AAR2: variants seen among roughly 807,000 people sequenced by gnomAD.
AAR2 encodes the protein AAR2 splicing factor.
AAR2 carries 31 observed loss-of-function variants against 26.9 expected under a neutral mutation model. The ratio of observed to expected loss-of-function variants is 1.15; its 90% CI spans 0.86 to 1.55. The LOEUF (loss-of-function observed/expected upper bound fraction) is 1.55, where lower values mean the gene tolerates loss of function less well. Among genes scored for constraint, AAR2 ranks in the 40% most tolerant of loss-of-function variants. AAR2 has a pLI of 0.00. For missense variants in AAR2, 430 were observed against 491.3 expected (o/e 0.88, Z 1.18); for synonymous variants, 188 against 196.1 (o/e 0.96, Z 0.34).
At chr20:36,255,188 C>T (rs938129746) in intron 3 of AAR2, among the ~76,000 whole-genome samples, 2 of 152,206 alleles carry the variant, frequency 1.3e-5, no homozygotes, top group Non-Finnish European at 2.9e-5. Context: ...GTCGTGTTGG[C>T]TTGGGGCCTG....
At chr20:36,247,390 C>G (rs142163290) in intron 3 of AAR2, among the ~76,000 whole-genome samples, 81 of 152,210 alleles carry the variant, frequency 5.3e-4, no homozygotes, top group African/African-American at 1.9e-3. Context: ...CTCTGTGGCT[C>G]CTCATTGCGT....
chr20:36,250,792 TGGTTGCATGGG>T (rs1461193525), intron 3 of AAR2, among the ~76,000 whole-genome samples: 1 of 152,112 alleles, frequency 6.6e-6, no homozygotes, highest in African/African-American at 2.4e-5. Context: ...TATCATATGG[TGGTTGCATGGG>T]GGTATATATA....
chr20:36,246,029 T>A (rs746914404), intron 3 of AAR2, among the ~76,000 whole-genome samples: 37 of 152,304 alleles, frequency 2.4e-4, no homozygotes, highest in Non-Finnish European at 4.9e-4. Flanking sequence ...TGTTCACTCA[T>A]TGAATCCCTT....
intron 3 of AAR2, among the ~76,000 whole-genome samples, chr20:36,245,230 G>A (rs1474836240): frequency 6.6e-6 from 1 of 152,078 alleles, no homozygotes; most frequent in Non-Finnish European, 1.5e-5. Context: ...CTTTCTCCCT[G>A]TAGCCATGAA....
At chr20:36,237,497 C>G (rs1234216860) in intron 1 of AAR2, among the ~76,000 whole-genome samples, 1 of 151,980 alleles carries the variant, frequency 6.6e-6, no homozygotes, top group Non-Finnish European at 1.5e-5. Flanking sequence ...CTGCAGAGTT[C>G]TATGCATATT....
chr20:36,255,193 G>C (rs527689609), intron 3 of AAR2, among the ~76,000 whole-genome samples: 1 of 152,312 alleles, frequency 6.6e-6, no homozygotes, highest in Admixed American at 6.5e-5. Context: ...GTTGGCTTGG[G>C]GCCTGGGACT....
intron 3 of AAR2, among the ~76,000 whole-genome samples, chr20:36,253,194 G>C (rs894623445): frequency 6.6e-6 from 1 of 152,136 alleles, no homozygotes; most frequent in Non-Finnish European, 1.5e-5. Flanking sequence ...GAAGCAGGTG[G>C]GAGGAATATT....
Position 36,244,898 on chromosome 20 carries a change from A to C in AAR2, c.959A>C (p.Gln320Pro), listed in dbSNP as rs2064719196. 4.3e-6 allele frequency: 7 copies of C among 1,614,138 alleles called. No individual in the cohort carries two copies. The African/African-American group carries it at 5.3e-5, about 12-fold the overall frequency. Residue 320 changes from glutamine to proline, a missense_variant, in exon 3 of 4, where the codon CAA (glutamine) becomes CCA (proline). Coordinates refer to ENST00000320849, the MANE Select transcript of AAR2 (RefSeq NM_001271874.2). ...GACTTCTTCGTAGACATTGTCTCCC[A>C]AGACAACTTCCTCACCAGCACCTTA... Reference protein sequence around the residue: ...PADFFVDIVSQDNFLTSTLQV... With the variant: ...PADFFVDIVSPDNFLTSTLQV...
chr20:36,240,507 G>T lies in AAR2; in HGVS notation c.639G>T (p.Thr213=). 6.2e-7 allele frequency: 1 copy of T among 1,614,066 alleles called. No homozygotes were observed. The part of the protein sequence containing the change: ...GTEIRFSELP[T]QMFPEGATPA... ...AGATCCGCTTCTCAGAGCTGCCCAC[G>T]CAGATGTTCCCAGAGGGTGCCACGC... Residue 213 remains threonine (T), a synonymous_variant, in exon 2 of 4, where the codon ACG becomes ACT. Coordinates refer to ENST00000320849, the MANE Select transcript of AAR2 (RefSeq NM_001271874.2).
chr20:36,240,772 C>A, intron 2 of AAR2, 147 bp downstream of exon 2: 2 of 1,146,598 alleles, frequency 1.7e-6, no homozygotes, highest in Non-Finnish European at 2.4e-6. Flanking sequence ...TTACCCTTAG[C>A]CCTGGAGATT....
chr20:36,248,586 A>G (rs570414398), intron 3 of AAR2, among the ~76,000 whole-genome samples: 34 of 151,766 alleles, frequency 2.2e-4, no homozygotes, highest in African/African-American at 7.0e-4. Flanking sequence ...GATCCACCCA[A>G]CTCACATCTG....
At chr20:36,250,535 T>A in intron 3 of AAR2, among the ~76,000 whole-genome samples, 1 of 152,234 alleles carries the variant, frequency 6.6e-6, no homozygotes, top group East Asian at 1.9e-4. Flanking sequence ...TATTTAGACA[T>A]CTTCATTTCT....
intron 3 of AAR2, among the ~76,000 whole-genome samples, chr20:36,249,882 G>A (rs2064767871): frequency 1.3e-5 from 2 of 152,166 alleles, no homozygotes; most frequent in Non-Finnish European, 2.9e-5. Flanking sequence ...CTGACCTCAG[G>A]TGATCTCATT....
chr20:36,240,738 G>C, intron 2 of AAR2, 113 bp downstream of exon 2: 1 of 1,372,666 alleles, frequency 7.3e-7, no homozygotes, highest in South Asian at 1.5e-5. Flanking sequence ...ACCTGGCTAG[G>C]AGGCTGAAGA....
At position 36,255,683 on chromosome 20, in the gene AAR2, G is replaced by A. The variant is rs141340897; in HGVS notation, c.1093G>A (p.Ala365Thr). 8,616 of 1,614,152 alleles carry A rather than the reference G, an allele frequency of 5.3e-3. 40 individuals are homozygous for A. The highest frequency in any genetic ancestry group is 0.011 in the Middle Eastern group (66 of 6,062). The change falls in exon 4 of 4, where the codon GCG (alanine) becomes ACG (threonine). Residue 365 changes from alanine to threonine, a missense_variant. Physicochemically the swap from Ala to Thr is moderately conservative, Grantham distance 58 (BLOSUM62 0). Coordinates refer to ENST00000320849, the MANE Select transcript of AAR2 (RefSeq NM_001271874.2). ...CAAGAAGTTCCGGTGGGACTTTGCT[G>A]CGGAACCTGAGGACTGTGCCCCGGT... ...LTKKFRWDFAAEPEDCAPVVV... is the reference protein window; with the variant it reads ...LTKKFRWDFATEPEDCAPVVV...
Position 36,253,076 on chromosome 20 carries a change from T to TC in AAR2, c.988-2495dup, listed in dbSNP as rs556602993. Among the ~76,000 whole-genome samples the TC allele has an allele frequency of 9.6e-5, 13 of 136,004 alleles. No homozygotes were observed. In the South Asian group the frequency reaches 1.1e-3, roughly 11 times the overall value. 89.2% of individuals were successfully genotyped at this position (136,004 alleles called of 152,430 possible). A position where few individuals can be genotyped will look rare whatever the true frequency, so the allele number is the denominator to read the frequency against. On this transcript the variant is annotated intron_variant, in intron 3 of 3. Transcript: ENST00000320849. ...AAGCTGGATTCTGTACCGCCCCCCT[T>TC]CCCCCCCATCACCTCTCTGTGTTCC...
At position 36,239,888 on chromosome 20, in the gene AAR2, A is replaced by C. The variant is rs2064656844; in HGVS notation, c.20A>C (p.Asp7Ala). Residue 7 changes from aspartate (D) to alanine (A), a missense_variant, in exon 2 of 4, where the codon GAT becomes GCT. Transcript: ENST00000320849. The stretch of plus-strand genomic sequence containing the variant: ...GGCCCCATGGCTGCCGTGCAGATGG[A>C]TCCTGAGCTAGCCAAGCGCCTCTTC... Reference protein sequence around the residue: MAAVQMDPELAKRLFFE... With the variant: MAAVQMAPELAKRLFFE... 6.2e-7 allele frequency: 1 copy of C among 1,601,362 alleles called. No individual in the cohort carries two copies. The highest frequency in any genetic ancestry group is 8.5e-7 in the Non-Finnish European group (1 of 1,170,330).
intron 3 of AAR2, among the ~76,000 whole-genome samples, chr20:36,249,127 A>G (rs1391603589): frequency 2.0e-5 from 3 of 152,186 alleles, no homozygotes; most frequent in Non-Finnish European, 2.9e-5. Context: ...GCACTTAAAG[A>G]CAGCCACATT....
At chr20:36,252,643 A>G (rs2147298858) in intron 3 of AAR2, among the ~76,000 whole-genome samples, 1 of 152,272 alleles carries the variant, frequency 6.6e-6, no homozygotes, top group East Asian at 1.9e-4. Context: ...GTGTGCAGAG[A>G]GGCGCAGAGG....
Sources: gnomAD v4.1 joint callset for allele counts (sites outside exome capture counted in the v4.1 genomes callset) on GRCh38, gnomAD v4.1.1 for gene constraint, MANE v1.5 for transcripts, NCBI Gene and HGNC (gene_info 2026-07-23, HGNC 2026-07-21) for gene names.